The following TNKS variants were observed in gnomAD, a reference collection of about 807,000 sequenced individuals.
TNKS encodes the protein tankyrase.
Under a neutral mutation model 135.8 loss-of-function variants are expected in TNKS, and 72 were observed. The observed-to-expected ratio is 0.53, with a 90% CI of 0.44 to 0.64. TNKS has a LOEUF of 0.64. Among genes scored for constraint, TNKS ranks in the 30% least tolerant of loss-of-function variants. TNKS has a pLI of 0.00. For missense variants in TNKS, 1,769 were observed against 1,674.0 expected, an observed-to-expected ratio of 1.06 and a Z score of -0.99; for synonymous variants, 849 against 649.3, an observed-to-expected ratio of 1.31 and a Z score of -4.68.
chr8:9,776,706 G>T lies in TNKS; in HGVS notation c.3954G>T (p.Gln1318His), dbSNP rs1808241949. 2 of 1,613,890 alleles carry T rather than the reference G, an allele frequency of 1.2e-6. No homozygotes were observed. Among genetic ancestry groups the T allele is most frequent in the Non-Finnish European group, 1.7e-6 (2 of 1,179,950 alleles). The change falls in exon 27 of 27, where the codon CAG (glutamine) becomes CAT (histidine). Residue 1318 changes from glutamine (Q) to histidine (H), a missense_variant. This residue lies in a region of TNKS where 722 missense variants were observed against 688.9 expected (regional missense o/e 1.05). Transcript: ENST00000310430. ...YQIMKPEAPSQTATAAEQKT is the reference protein window; with the variant it reads ...YQIMKPEAPSHTATAAEQKT ...TCATGAAGCCAGAAGCCCCTTCCCA[G>T]ACCGCAACAGCCGCAGAGCAGAAGA...
intron 3 of TNKS, among the ~76,000 whole-genome samples, chr8:9,657,324 C>T (rs1413799620): frequency 9.9e-5 from 7 of 70,976 alleles, no homozygotes; most frequent in Non-Finnish European, 1.9e-4. Context: ...CCCTCCCAGA[C>T]GGGGCGGCTG....
At chr8:9,559,392 T>G (rs1156556872) in intron 1 of TNKS, among the ~76,000 whole-genome samples, 1 of 152,160 alleles carries the variant, frequency 6.6e-6, no homozygotes, top group Non-Finnish European at 1.5e-5. Context: ...ATGCTTTTAT[T>G]TATTTTTAAA....
intron 3 of TNKS, among the ~76,000 whole-genome samples, chr8:9,630,234 G>A (rs1230763051): frequency 1.3e-5 from 2 of 151,960 alleles, no homozygotes; most frequent in Admixed American, 6.6e-5. Flanking sequence ...TATGGTTCCC[G>A]CACTCAATAA....
At chr8:9,630,916 A>G (rs961343741) in intron 3 of TNKS, among the ~76,000 whole-genome samples, 1 of 152,224 alleles carries the variant, frequency 6.6e-6, no homozygotes, top group Non-Finnish European at 1.5e-5. Context: ...ATTCTTTACT[A>G]TATCTAATGT....
intron 26 of TNKS, among the ~76,000 whole-genome samples, chr8:9,776,049 C>T (rs1808211445): frequency 6.6e-6 from 1 of 151,942 alleles, no homozygotes; most frequent in Non-Finnish European, 1.5e-5. Flanking sequence ...TTGTGTTTTA[C>T]TGACTGCAAG....
chr8:9,656,773 C>G (rs1323792309), intron 3 of TNKS, among the ~76,000 whole-genome samples: 2 of 150,910 alleles, frequency 1.3e-5, no homozygotes, highest in Non-Finnish European at 3.0e-5. Context: ...CACGGCCTTC[C>G]GCAGTGTTTG....
intron 26 of TNKS, among the ~76,000 whole-genome samples, chr8:9,772,810 T>TGC (rs1807997660): frequency 1.8e-5 from 1 of 54,644 alleles, no homozygotes; most frequent in Non-Finnish European, 3.2e-5. Flanking sequence ...TGTGTGTGTT[T>TGC]GTGTGTGTGT....
At chr8:9,615,826 T>A (rs1799625861) in intron 3 of TNKS, 149 bp downstream of exon 3, 1 of 614,010 alleles carries the variant, frequency 1.6e-6, no homozygotes, top group Non-Finnish European at 2.8e-6. Flanking sequence ...TGATTTGATA[T>A]CTGTCTCATT....
chr8:9,664,892 C>CA (rs1283911944), intron 3 of TNKS, among the ~76,000 whole-genome samples: 5 of 152,160 alleles, frequency 3.3e-5, no homozygotes, highest in African/African-American at 1.2e-4. Flanking sequence ...CACGGCATTT[C>CA]TATACCATAT....
chr8:9,699,689 C>T (rs999400641), intron 5 of TNKS, among the ~76,000 whole-genome samples: 1 of 152,214 alleles, frequency 6.6e-6, no homozygotes, highest in Non-Finnish European at 1.5e-5. Context: ...TTAGATGCTG[C>T]TGCCACTTTG....
Position 9,555,957 on chromosome 8 carries a change from C to G in TNKS, c.18C>G (p.Arg6=). 1 of 1,612,734 alleles carries G rather than the reference C, an allele frequency of 6.2e-7. No individual in the cohort carries two copies. The highest frequency in any genetic ancestry group is 8.5e-7 in the Non-Finnish European group (1 of 1,179,620). Residue 6 remains arginine (R), a synonymous_variant, in exon 1 of 27, where the codon CGC becomes CGG. Transcript: ENST00000310430. MAASR[R]SQHHHHHHQQ... The stretch of plus-strand genomic sequence containing the variant: ...GTCCGAAGATGGCGGCGTCGCGTCG[C>G]TCTCAGCATCATCACCACCATCATC...
At chr8:9,774,679 A>G (rs964801375) in intron 26 of TNKS, among the ~76,000 whole-genome samples, 1 of 152,162 alleles carries the variant, frequency 6.6e-6, no homozygotes, top group East Asian at 1.9e-4. Context: ...TCAGTAGCCT[A>G]ATCATTAGGA....
chr8:9,748,515 T>A (rs113156487), intron 18 of TNKS, among the ~76,000 whole-genome samples: 4 of 152,294 alleles, frequency 2.6e-5, no homozygotes, highest in African/African-American at 7.2e-5. Flanking sequence ...TCTTGTACCT[T>A]CTATATTTGG....
intron 11 of TNKS, among the ~76,000 whole-genome samples, chr8:9,712,225 A>G (rs1804370914): frequency 6.6e-6 from 1 of 152,226 alleles, no homozygotes; most frequent in African/African-American, 2.4e-5. Context: ...CACTCCTGTA[A>G]TCCCAGAGCT....
Position 9,621,713 on chromosome 8 carries a change from T to A in TNKS, c.994+6036T>A, listed in dbSNP as rs538727130. On this transcript the variant is annotated intron_variant, in intron 3 of 26. Transcript: ENST00000310430. ...TTTACTGTCAGACTATATGATTATT[T>A]TTCTCATGCTGTTAATCTGAACTTA... Among the ~76,000 whole-genome samples the A allele has an allele frequency of 1.5e-4, 23 of 152,352 alleles. No homozygotes were observed. The South Asian group carries it at 4.6e-3, about 30-fold the overall frequency.
intron 1 of TNKS, among the ~76,000 whole-genome samples, chr8:9,572,352 G>C (rs1384599900): frequency 6.6e-6 from 1 of 152,142 alleles, no homozygotes; most frequent in Admixed American, 6.5e-5. Flanking sequence ...GGCCTTTGTT[G>C]TTGTTAGACT....
At chr8:9,740,926 C>A (rs1161340289) in intron 17 of TNKS, 1 of 147,740 alleles carries the variant, frequency 6.8e-6, no homozygotes, top group East Asian at 2.1e-4. Flanking sequence ...TCTCCTGCCT[C>A]AGCCTCCCGA....
chr8:9,660,392 A>G (rs992784927), intron 3 of TNKS, among the ~76,000 whole-genome samples: 1 of 152,208 alleles, frequency 6.6e-6, no homozygotes, highest in African/African-American at 2.4e-5. Flanking sequence ...ATCCACCATG[A>G]TCAAGTGGGC....
At chr8:9,672,705 CACACACAAAAA>C (rs1563158416) in intron 3 of TNKS, among the ~76,000 whole-genome samples, 1 of 112,172 alleles carries the variant, frequency 8.9e-6, no homozygotes, top group East Asian at 2.8e-4. Flanking sequence ...CACACACACA[CACACACAAAAA>C]AAAAAAAACA....
Sources: allele counts gnomAD v4.1 joint callset (sites outside exome capture counted in the v4.1 genomes callset), GRCh38; gene constraint gnomAD v4.1.1; regional missense constraint gnomAD v4.1.1; transcripts MANE v1.5; gene names NCBI Gene and HGNC (gene_info 2026-07-23, HGNC 2026-07-21).